Variants in ADGRL3 observed in about 807,000 individuals in gnomAD.
ADGRL3 encodes calcium-independent alpha-latrotoxin receptor 3.
In ADGRL3, 62 loss-of-function variants were observed where a neutral mutation model predicts 153.5. The observed-to-expected ratio is 0.40, with a 90% CI of 0.33 to 0.50. The LOEUF is 0.50. ADGRL3 is among the 20% of genes least tolerant of loss of function. ADGRL3 has a pLI of 0.47. For missense variants in ADGRL3, 1,641 were observed against 1,859.4 expected (o/e 0.88, Z 2.16); for synonymous variants, 710 against 672.5 (o/e 1.06, Z -0.86).
chr4:61,371,161 T>C (rs2096519186), intron 1 of ADGRL3, among the ~76,000 whole-genome samples: 1 of 150,976 alleles, frequency 6.6e-6, no homozygotes, highest in Admixed American at 6.6e-5. Context: ...TACAGCACAC[T>C]GATGGGTCTT....
chr4:61,214,432 CA>C (rs1309919049), intron 1 of ADGRL3, among the ~76,000 whole-genome samples: 10 of 152,104 alleles, frequency 6.6e-5, no homozygotes, highest in Non-Finnish European at 1.2e-4. Flanking sequence ...GGAACAAAAA[CA>C]AATGGTGGTT....
chr4:61,621,088 G>A (rs766799112), intron 5 of ADGRL3, among the ~76,000 whole-genome samples: 25 of 151,950 alleles, frequency 1.6e-4, no homozygotes, highest in Non-Finnish European at 2.9e-4. Flanking sequence ...GGACTCTTTA[G>A]AGGACTTACC....
At chr4:61,261,091 G>A (rs2092471483) in intron 1 of ADGRL3, among the ~76,000 whole-genome samples, 1 of 151,686 alleles carries the variant, frequency 6.6e-6, no homozygotes, top group South Asian at 2.1e-4. Context: ...CAATCTCCAG[G>A]GCTGAAGCTT....
chr4:61,511,400 T>C (rs1171366444), intron 3 of ADGRL3, among the ~76,000 whole-genome samples: 1 of 152,158 alleles, frequency 6.6e-6, no homozygotes. Flanking sequence ...CTACTGATTT[T>C]TGTATGCTGA....
At chr4:61,269,636 C>T in intron 1 of ADGRL3, among the ~76,000 whole-genome samples, 1 of 151,624 alleles carries the variant, frequency 6.6e-6, no homozygotes, top group Non-Finnish European at 1.5e-5. Context: ...TGGCCTAATG[C>T]TCTATTCAAG....
At position 61,869,936 on chromosome 4, in the gene ADGRL3, T is replaced by TAA. The variant is rs1190618911; in HGVS notation, c.1481-22696_1481-22695dup. 3.8e-3 allele frequency among the ~76,000 whole-genome samples: 40 copies of TAA among 10,500 alleles called. 7 individuals carry two copies. Among genetic ancestry groups the TAA allele is most frequent in the South Asian group, 0.028 (5 of 178 alleles). 6.9% of individuals were successfully genotyped at this position (10,500 alleles called of 152,430 possible). ...CTGGGCAACAAGAGCAAAACTTTGT[T>TAA]AAAAAAAAAAAAAAAAAAAAAAAAA... On this transcript the variant is annotated intron_variant, in intron 9 of 26. Coordinates refer to ENST00000683033, the MANE Select transcript of ADGRL3 (RefSeq NM_001387552.1).
chr4:61,970,504 C>A (rs1446962380), intron 17 of ADGRL3, among the ~76,000 whole-genome samples: 2 of 151,704 alleles, frequency 1.3e-5, no homozygotes, highest in Non-Finnish European at 2.9e-5. Context: ...GCAAGAAGAT[C>A]GCCAATAACT....
At chr4:61,489,134 A>C (rs1317788398) in intron 2 of ADGRL3, among the ~76,000 whole-genome samples, 2 of 151,970 alleles carry the variant, frequency 1.3e-5, no homozygotes, top group Non-Finnish European at 2.9e-5. Flanking sequence ...CCTTTATTTA[A>C]GCCTTAAACC....
rs749006385 is a variant in ADGRL3, at chr4:61,947,021, G to A, written c.2527G>A (p.Val843Ile). The A allele has an allele frequency of 1.6e-5, 26 of 1,613,548 alleles. No individual in the cohort carries two copies. In the African/African-American group the frequency reaches 3.2e-4, roughly 20 times the overall value. The change falls in exon 16 of 27, where the codon GTT (valine) becomes ATT (isoleucine). Residue 843 changes from valine to isoleucine, a missense_variant. Coordinates refer to ENST00000683033, the MANE Select transcript of ADGRL3 (RefSeq NM_001387552.1). Reference sequence around the variant, plus strand: ...GGAAGCTTTGTCCACAAATCATTCTGTTATTGTCAATTCCCCTGTTATTAC... The same window carrying A: ...GGAAGCTTTGTCCACAAATCATTCTATTATTGTCAATTCCCCTGTTATTAC... ...GTEALSTNHS[V>I]IVNSPVITAA...
chr4:61,240,302 C>A (rs1394727995), intron 1 of ADGRL3, among the ~76,000 whole-genome samples: 1 of 152,064 alleles, frequency 6.6e-6, no homozygotes, highest in Non-Finnish European at 1.5e-5. Context: ...ATGACTTAAT[C>A]ACCTATTAAA....
chr4:61,824,001 G>A (rs563463371), intron 9 of ADGRL3, among the ~76,000 whole-genome samples: 5 of 152,276 alleles, frequency 3.3e-5, no homozygotes, highest in Admixed American at 3.3e-4. Context: ...GGCAGAGGTT[G>A]CAGTGAGCCC....
chr4:61,288,311 A>T (rs12511914), intron 1 of ADGRL3, among the ~76,000 whole-genome samples: 48,885 of 151,702 alleles, frequency 0.32, 8,436 homozygotes, highest in East Asian at 0.42. Context: ...AACTAAAAGG[A>T]TGCTTGTTTA....
intron 2 of ADGRL3, among the ~76,000 whole-genome samples, chr4:61,469,015 T>C (rs1303514047): frequency 6.6e-6 from 1 of 152,112 alleles, no homozygotes; most frequent in East Asian, 1.9e-4. Context: ...GCTCTACTTG[T>C]CTGGGTTTAG....
At chr4:61,924,951 A>AT (rs1420826868) in intron 13 of ADGRL3, among the ~76,000 whole-genome samples, 2 of 152,084 alleles carry the variant, frequency 1.3e-5, no homozygotes, top group East Asian at 3.9e-4. Context: ...TTCTAAGATC[A>AT]TTTTTTCTCT....
chr4:61,775,001 A>T (rs1025780064), intron 8 of ADGRL3, among the ~76,000 whole-genome samples: 1 of 152,072 alleles, frequency 6.6e-6, no homozygotes, highest in Admixed American at 6.5e-5. Flanking sequence ...ATTAACTTCT[A>T]TTTTTCCTAG....
At chr4:61,318,337 G>GA (rs2095279443) in intron 1 of ADGRL3, among the ~76,000 whole-genome samples, 2 of 151,814 alleles carry the variant, frequency 1.3e-5, no homozygotes, top group Admixed American at 1.3e-4. Flanking sequence ...CACTGGACAA[G>GA]AAGACTCAAG....
Position 61,418,905 on chromosome 4 carries a change from A to G in ADGRL3, c.-174+35716A>G, listed in dbSNP as rs139340835. On this transcript the variant is annotated intron_variant, in intron 2 of 26. Coordinates refer to ENST00000683033, the MANE Select transcript of ADGRL3 (RefSeq NM_001387552.1). Reference sequence around the variant, plus strand: ...TCGTGTATAAAAAGAAAAAAGTTAAATTAATTTAGAAGTTTATTTACAGTT... The same window carrying G: ...TCGTGTATAAAAAGAAAAAAGTTAAGTTAATTTAGAAGTTTATTTACAGTT... 1.1e-4 allele frequency among the ~76,000 whole-genome samples: 16 copies of G among 150,874 alleles called. 1 individual carries two copies. The East Asian group carries it at 2.3e-3, about 22-fold the overall frequency.
At chr4:62,046,156 T>G (rs1731011531) in intron 25 of ADGRL3, among the ~76,000 whole-genome samples, 1 of 151,860 alleles carries the variant, frequency 6.6e-6, no homozygotes, top group Admixed American at 6.6e-5. Context: ...CCTATAGGAT[T>G]TATTGATAGA....
At chr4:62,023,267 T>G (rs1229167227) in intron 21 of ADGRL3, among the ~76,000 whole-genome samples, 1 of 152,168 alleles carries the variant, frequency 6.6e-6, no homozygotes, top group African/African-American at 2.4e-5. Flanking sequence ...TGTGAATAAA[T>G]TTCTGCAATC....
Sources: gnomAD v4.1 joint callset for allele counts (sites outside exome capture counted in the v4.1 genomes callset) on GRCh38, gnomAD v4.1.1 for gene constraint, MANE v1.5 for transcripts, NCBI Gene and HGNC (gene_info 2026-07-23, HGNC 2026-07-21) for gene names.